Variants in OSBPL10 observed in about 807,000 individuals in gnomAD.
The protein encoded by OSBPL10 is oxysterol-binding protein-related protein 10.
Under a neutral mutation model 81.7 loss-of-function variants are expected in OSBPL10, and 49 were observed. The observed-to-expected ratio is 0.60, with a 90% confidence interval of 0.48 to 0.76. The LOEUF is 0.76. Ranked by LOEUF, OSBPL10 falls within the 30% of genes least tolerant of loss-of-function variation. The probability of loss-of-function intolerance (pLI) is 0.00; values close to 1 mark genes in which losing one functional copy is unlikely to be tolerated. For synonymous variants in OSBPL10, 419 were observed against 383.6 expected (o/e 1.09, Z -1.08); for missense variants, 923 against 987.8 (o/e 0.93, Z 0.88).
chr3:31,891,144 T>C (rs574609994), intron 1 of OSBPL10, among the ~76,000 whole-genome samples: 94 of 152,218 alleles, frequency 6.2e-4, no homozygotes, highest in Non-Finnish European at 1.2e-3. Flanking sequence ...TCCTTTACTT[T>C]TTCTCTAGGG....
intron 4 of OSBPL10, chr3:31,794,328 A>G (rs1037070223): frequency 1.3e-5 from 2 of 154,594 alleles, no homozygotes; most frequent in African/African-American, 4.8e-5. Context: ...TATTTTTAGT[A>G]GAGATGGGGT....
chr3:31,974,212 G>C (rs983000641), intron 1 of OSBPL10, among the ~76,000 whole-genome samples: 1 of 152,188 alleles, frequency 6.6e-6, no homozygotes, highest in Non-Finnish European at 1.5e-5. Flanking sequence ...AGTCATCAGG[G>C]AAAGGCAAAT....
At chr3:31,897,638 G>GA (rs1416288544) in intron 1 of OSBPL10, among the ~76,000 whole-genome samples, 1 of 152,082 alleles carries the variant, frequency 6.6e-6, no homozygotes, top group Non-Finnish European at 1.5e-5. Context: ...AGCTACCAGA[G>GA]AAAAAAGGCA....
At chr3:31,916,450 TG>T (rs1696760145) in intron 1 of OSBPL10, among the ~76,000 whole-genome samples, 1 of 152,124 alleles carries the variant, frequency 6.6e-6, no homozygotes, top group Admixed American at 6.5e-5. Context: ...AACAACAGGT[TG>T]GTTATAAGCA....
chr3:31,984,064 G>T (rs753076518), upstream of OSBPL10, among the ~76,000 whole-genome samples: 7 of 152,006 alleles, frequency 4.6e-5, no homozygotes, highest in Non-Finnish European at 1.0e-4. Flanking sequence ...TGAGACTGGA[G>T]TCTCGCTCTG....
intron 2 of OSBPL10, chr3:31,990,885 C>A: frequency 6.3e-7 from 1 of 1,575,654 alleles, no homozygotes; most frequent in South Asian, 1.2e-5. Flanking sequence ...GTGGCAAAGC[C>A]TTTACTTCAC....
At chr3:31,692,362 A>G (rs1695585023) in intron 7 of OSBPL10, among the ~76,000 whole-genome samples, 1 of 152,218 alleles carries the variant, frequency 6.6e-6, no homozygotes, top group East Asian at 1.9e-4. Flanking sequence ...GTATCCAGGA[A>G]ACGCTCATTC....
intron 3 of OSBPL10, among the ~76,000 whole-genome samples, chr3:31,863,068 G>T (rs893640442): frequency 6.6e-6 from 1 of 152,016 alleles, no homozygotes; most frequent in East Asian, 1.9e-4. Flanking sequence ...CCATACAACG[G>T]GATATTAGTC....
chr3:31,826,204 C>T (rs1352467259), intron 4 of OSBPL10, among the ~76,000 whole-genome samples: 2 of 152,308 alleles, frequency 1.3e-5, no homozygotes, highest in Admixed American at 6.5e-5. Context: ...CTATACATCA[C>T]CAGATTGTAG....
At chr3:31,890,848 G>A (rs1027465764) in intron 1 of OSBPL10, among the ~76,000 whole-genome samples, 3 of 152,126 alleles carry the variant, frequency 2.0e-5, no homozygotes, top group African/African-American at 7.2e-5. Flanking sequence ...TACTGACGAT[G>A]TTGGAACTTA....
chr3:31,730,331 A>C (rs1409703212), intron 6 of OSBPL10, among the ~76,000 whole-genome samples: 3 of 148,054 alleles, frequency 2.0e-5, no homozygotes, highest in Non-Finnish European at 4.5e-5. Flanking sequence ...GCCACAGAGC[A>C]AAAAAAAAAT....
At chr3:31,837,319 A>AT (rs1700377749) in intron 3 of OSBPL10, among the ~76,000 whole-genome samples, 2 of 109,200 alleles carry the variant, frequency 1.8e-5, no homozygotes, top group Middle Eastern at 4.8e-3. Flanking sequence ...CAGATCCCCA[A>AT]ATTATATATA....
At chr3:31,835,090 C>T (rs1700333142) in intron 3 of OSBPL10, among the ~76,000 whole-genome samples, 1 of 152,166 alleles carries the variant, frequency 6.6e-6, no homozygotes, top group South Asian at 2.1e-4. Context: ...CCTGAATGAA[C>T]TATATGGCCA....
intron 4 of OSBPL10, chr3:31,797,693 T>C (rs950828191): frequency 2.0e-5 from 8 of 409,516 alleles, no homozygotes; most frequent in Non-Finnish European, 4.0e-5. Context: ...ACACACAGTT[T>C]TTTTATATGT....
intron 2 of OSBPL10, among the ~76,000 whole-genome samples, chr3:32,017,693 A>T (rs1457717693): frequency 6.6e-6 from 1 of 152,132 alleles, no homozygotes; most frequent in East Asian, 1.9e-4. Context: ...GTTACCAATG[A>T]ACTATGTGAC....
At chr3:31,934,983 C>T (rs1214561208) in intron 1 of OSBPL10, among the ~76,000 whole-genome samples, 1 of 152,166 alleles carries the variant, frequency 6.6e-6, no homozygotes, top group Non-Finnish European at 1.5e-5. Context: ...TCAAGAACCC[C>T]TTCAATCTTT....
chr3:32,006,031 G>A (rs1256431527), intron 2 of OSBPL10, among the ~76,000 whole-genome samples: 3 of 151,694 alleles, frequency 2.0e-5, no homozygotes, highest in African/African-American at 4.8e-5. Context: ...TGCAGCCTCC[G>A]CCTCCCAGGT....
chr3:31,788,360 A>T, intron 4 of OSBPL10, among the ~76,000 whole-genome samples: 1 of 152,258 alleles, frequency 6.6e-6, no homozygotes, highest in East Asian at 1.9e-4. Flanking sequence ...CAAGTATCAA[A>T]GAAATGATAG....
intron 2 of OSBPL10, among the ~76,000 whole-genome samples, chr3:31,992,738 A>C (rs1699047761): frequency 6.6e-6 from 1 of 152,182 alleles, no homozygotes; most frequent in South Asian, 2.1e-4. Context: ...TCATGCCTGT[A>C]ATCCCAGCAC....
Sources: gnomAD v4.1 joint callset for allele counts (sites outside exome capture counted in the v4.1 genomes callset) on GRCh38, gnomAD v4.1.1 for gene constraint, MANE v1.5 for transcripts, NCBI Gene and HGNC (gene_info 2026-07-23, HGNC 2026-07-21) for gene names.